ITPK1: variants seen among roughly 807,000 people sequenced by gnomAD.
ITPK1 encodes the protein inositol-tetrakisphosphate 1-kinase, also known as inositol 1,3,4-trisphosphate 5/6-kinase.
In ITPK1, 21 loss-of-function variants were observed where a neutral mutation model predicts 45.3. The observed-to-expected ratio is 0.46, with a 90% CI of 0.33 to 0.67. The LOEUF (loss-of-function observed/expected upper bound fraction) is 0.67. Among genes scored for constraint, ITPK1 ranks in the 30% least tolerant of loss-of-function variants. ITPK1 has a pLI of 0.02. For missense variants in ITPK1, 474 were observed against 573.5 expected (o/e 0.83, Z 1.77); for synonymous variants, 258 against 253.6 (o/e 1.02, Z -0.16).
chr14:93,080,370 A>G (rs17128805), intron 2 of ITPK1, among the ~76,000 whole-genome samples: 3,730 of 152,346 alleles, frequency 0.024, 151 homozygotes, highest in African/African-American at 0.085. Context: ...ACATGTTATC[A>G]AAAACTGGAA....
At chr14:93,048,710 AG>A in intron 3 of ITPK1, among the ~76,000 whole-genome samples, 1 of 152,322 alleles carries the variant, frequency 6.6e-6, no homozygotes, top group South Asian at 2.1e-4. Context: ...GCACTTTGGG[AG>A]GCCAAGGTGG....
intron 3 of ITPK1, among the ~76,000 whole-genome samples, chr14:93,045,054 T>A (rs563784742): frequency 6.6e-6 from 1 of 152,364 alleles, no homozygotes; most frequent in South Asian, 2.1e-4. Context: ...TCCCTGACTT[T>A]GCAGCCCAGT....
In ITPK1 at chr14:92,941,771, C is replaced by T. The variant is rs558609391; in HGVS notation, c.1035G>A (p.Pro345=). The part of the protein sequence containing the change: ...LLRHSKLLAE[P]AGGLVGERTC... Reference sequence around the variant, plus strand: ...TCCGCTCGCCCACCAGGCCGCCCGCCGGCTCGGCCAGAAGCTTGCTGTGCC... The same window carrying T: ...TCCGCTCGCCCACCAGGCCGCCCGCTGGCTCGGCCAGAAGCTTGCTGTGCC... The change falls in exon 11 of 11, where the codon CCG becomes CCA. Residue 345 remains proline (P), a synonymous_variant. Coordinates refer to ENST00000267615, the MANE Select transcript of ITPK1 (RefSeq NM_014216.6). The T allele has an allele frequency of 1.3e-4, 215 of 1,607,308 alleles. No homozygotes were observed. The Admixed American group carries it at 1.4e-3, about 11-fold the overall frequency.
chr14:92,988,021 G>C (rs571855039), intron 5 of ITPK1, among the ~76,000 whole-genome samples: 1 of 152,192 alleles, frequency 6.6e-6, no homozygotes, highest in African/African-American at 2.4e-5. Context: ...CCTGCTCTGC[G>C]GAGCCTCCCC....
At chr14:92,944,069 C>T (rs928547556) in intron 10 of ITPK1, among the ~76,000 whole-genome samples, 1 of 152,212 alleles carries the variant, frequency 6.6e-6, no homozygotes, top group Non-Finnish European at 1.5e-5. Flanking sequence ...CGAAGTGAGG[C>T]GTCGGGGCAG....
At position 93,034,095 on chromosome 14, in the gene ITPK1, C is replaced by A. The variant is rs975418083; in HGVS notation, c.121-17294G>T. 1.3e-5 allele frequency among the ~76,000 whole-genome samples: 2 copies of A among 152,086 alleles called. No individual in the cohort carries two copies. The highest frequency in any genetic ancestry group is 6.5e-5 in the Admixed American group (1 of 15,278). On this transcript the variant is annotated intron_variant, in intron 3 of 10. Transcript: ENST00000267615. The surrounding 1 kb of genome is among the most constrained non-coding windows in gnomAD (Gnocchi z 4.1). The stretch of plus-strand genomic sequence containing the variant: ...CCCAGCTCCCTATCCAAAGTGTAGC[C>A]CCAAAAGCCGTCTAATACTTCCCCA...
rs567683485 is a variant in ITPK1, at chr14:92,988,303, A to G, written c.364+5577T>C. ...GCACACCAAGGGGTCGCTCTGCCCG[A>G]TCTGGGGTGGGGCCACCAGCTGAGA... On this transcript the variant is annotated intron_variant, in intron 5 of 10. Transcript: ENST00000267615. 4.6e-5 allele frequency among the ~76,000 whole-genome samples: 7 copies of G among 152,248 alleles called. 1 individual carries two copies. The South Asian group carries it at 1.4e-3, about 32-fold the overall frequency.
chr14:93,023,770 C>T (rs1171402270), intron 3 of ITPK1, among the ~76,000 whole-genome samples: 1 of 152,046 alleles, frequency 6.6e-6, no homozygotes, highest in Admixed American at 6.6e-5. Context: ...TTGTCAGAGC[C>T]CTTAGGAGCA....
Position 92,938,682 on chromosome 14 carries a change from C to A in ITPK1, c.*2879G>T. 1.5e-6 allele frequency: 1 copy of A among 655,172 alleles called. No individual in the cohort carries two copies. The highest frequency in any genetic ancestry group is 2.8e-6 in the Non-Finnish European group (1 of 361,946). The allele number at this position is 655,172 out of a possible 1,614,324, so 40.6% of individuals were successfully genotyped here. ...CATGCTGGGTGACTGCAGGCCCAGC[C>A]CACCCACCACGTGTGGACCCAGACA... On this transcript the variant is annotated 3_prime_UTR_variant, in exon 11 of 11. Transcript: ENST00000267615.
At chr14:93,000,809 C>T (rs900604073) in intron 4 of ITPK1, among the ~76,000 whole-genome samples, 1 of 151,150 alleles carries the variant, frequency 6.6e-6, no homozygotes, top group African/African-American at 2.4e-5. Flanking sequence ...AAACCCCCCG[C>T]AAAAATACAA....
chr14:93,042,698 G>A lies in ITPK1; in HGVS notation c.121-25897C>T, dbSNP rs977543472. Among the ~76,000 whole-genome samples the A allele has an allele frequency of 1.3e-5, 2 of 152,158 alleles. 1 individual carries two copies. Among genetic ancestry groups the A allele is most frequent in the South Asian group, 4.1e-4 (2 of 4,828 alleles). ...CTGGTGGGCAAAGAAAGGGAGAAGGGCCTCGGACAAGGAGAAGGAAATTAA... is the reference window on the plus strand; with the variant it reads ...CTGGTGGGCAAAGAAAGGGAGAAGGACCTCGGACAAGGAGAAGGAAATTAA... On this transcript the variant is annotated intron_variant, in intron 3 of 10. Transcript: ENST00000267615.
At chr14:92,947,565 G>T (rs1462630815) in intron 9 of ITPK1, among the ~76,000 whole-genome samples, 1 of 152,246 alleles carries the variant, frequency 6.6e-6, no homozygotes, top group Non-Finnish European at 1.5e-5. Flanking sequence ...TCTCAGGTTT[G>T]CTCTTCTGTA....
At chr14:93,013,954 TG>T (rs1298082456) in intron 4 of ITPK1, among the ~76,000 whole-genome samples, 1 of 152,122 alleles carries the variant, frequency 6.6e-6, no homozygotes, top group African/African-American at 2.4e-5. Flanking sequence ...CCCATCCCAG[TG>T]CCTCTCAGTC....
At chr14:92,942,966 C>G (rs2139694755) in intron 10 of ITPK1, among the ~76,000 whole-genome samples, 1 of 152,386 alleles carries the variant, frequency 6.6e-6, no homozygotes, top group Non-Finnish European at 1.5e-5. Flanking sequence ...CCTGTGCCAC[C>G]TCTTACAGTG....
At chr14:92,942,379 G>A (rs1180318879) in intron 10 of ITPK1, among the ~76,000 whole-genome samples, 1 of 152,138 alleles carries the variant, frequency 6.6e-6, no homozygotes, top group Non-Finnish European at 1.5e-5. Flanking sequence ...CTTCCACCCT[G>A]AGCCTCAGCT....
intron 4 of ITPK1, among the ~76,000 whole-genome samples, chr14:93,008,803 C>T (rs372603936): frequency 1.1e-4 from 16 of 152,336 alleles, no homozygotes; most frequent in Admixed American, 5.2e-4. Context: ...AAACAGAAAA[C>T]AGGGTGTCCT....
chr14:93,082,679 A>G (rs1452917320), intron 2 of ITPK1, among the ~76,000 whole-genome samples: 1 of 152,232 alleles, frequency 6.6e-6, no homozygotes, highest in Non-Finnish European at 1.5e-5. Context: ...GGGTGGGCAC[A>G]TGACCTGTCA....
chr14:93,104,552 G>A (rs1892448594), intron 2 of ITPK1, among the ~76,000 whole-genome samples: 1 of 152,156 alleles, frequency 6.6e-6, no homozygotes, highest in African/African-American at 2.4e-5. Flanking sequence ...ACCTGGCGGA[G>A]TGGAAACAGC....
In ITPK1 at chr14:93,032,815, C is replaced by T. The variant is rs748497761; in HGVS notation, c.121-16014G>A. Among the ~76,000 whole-genome samples, 2 of 152,226 alleles carry T rather than the reference C, an allele frequency of 1.3e-5. No homozygotes were observed. The highest frequency in any genetic ancestry group is 2.1e-4 in the South Asian group (1 of 4,832). ...GGCCATCGCACTCTGCAGACTGCAGCGTACTCCACAGCTCTGAGCAGCTGC... is the reference window on the plus strand; with the variant it reads ...GGCCATCGCACTCTGCAGACTGCAGTGTACTCCACAGCTCTGAGCAGCTGC... On this transcript the variant is annotated intron_variant, in intron 3 of 10. Transcript: ENST00000267615. This position sits in a 1 kb window ranked among gnomAD's most constrained non-coding sequence, Gnocchi z 4.0.
Sources: allele counts gnomAD v4.1 joint callset (sites outside exome capture counted in the v4.1 genomes callset), GRCh38; gene constraint gnomAD v4.1.1; non-coding constraint Gnocchi (gnomAD v3.1); transcripts MANE v1.5; gene names NCBI Gene and HGNC (gene_info 2026-07-23, HGNC 2026-07-21).